MGMT: variants seen among roughly 807,000 people sequenced by gnomAD.
The protein encoded by MGMT is methylated-DNA--protein-cysteine methyltransferase.
Under a neutral mutation model 15.9 loss-of-function variants are expected in MGMT, and 14 were observed. That is an observed-to-expected ratio of 0.88 (90% CI 0.58 to 1.37). The LOEUF is 1.37. Among genes scored for constraint, MGMT ranks in the 40% most tolerant of loss-of-function variants. MGMT has a pLI of 0.00. For synonymous variants in MGMT, 130 were observed against 118.2 expected, an observed-to-expected ratio of 1.10 and a Z score of -0.65; for missense variants, 282 against 268.1, an observed-to-expected ratio of 1.05 and a Z score of -0.36.
At chr10:129,525,235 T>C (rs1845856494) in intron 1 of MGMT, among the ~76,000 whole-genome samples, 1 of 152,214 alleles carries the variant, frequency 6.6e-6, no homozygotes, top group Non-Finnish European at 1.5e-5. Flanking sequence ...CTTCCTGCAT[T>C]ACTCATATTT....
chr10:129,542,949 A>G (rs974799668), intron 2 of MGMT, among the ~76,000 whole-genome samples: 12 of 152,296 alleles, frequency 7.9e-5, no homozygotes, highest in African/African-American at 2.9e-4. Context: ...CAAATTGTGC[A>G]TATACTTCAC....
chr10:129,626,196 G>A (rs1219485860), intron 2 of MGMT, among the ~76,000 whole-genome samples: 2 of 152,194 alleles, frequency 1.3e-5, no homozygotes, highest in East Asian at 1.9e-4. Context: ...ATCAGCCTGC[G>A]TGTAAGCATG....
In MGMT at chr10:129,707,947, A is replaced by T. The variant is rs376750435; in HGVS notation, c.178A>T (p.Met60Leu). 1.2e-6 allele frequency: 2 copies of T among 1,613,134 alleles called. No homozygotes were observed. The highest frequency in any genetic ancestry group is 2.2e-5 in the South Asian group (2 of 91,054). Residue 60 changes from methionine (M) to leucine (L), a missense_variant, in exon 3 of 5, where the codon ATG (methionine) becomes TTG (leucine). By Grantham distance (15) the Met-to-Leu change is conservative. Coordinates refer to ENST00000651593, the MANE Select transcript of MGMT (RefSeq NM_002412.5). ...GGTTCTCGGAGGTCCGGAGCCCCTGATGCAGTGCACAGCCTGGCTGAATGC... is the reference window on the plus strand; with the variant it reads ...GGTTCTCGGAGGTCCGGAGCCCCTGTTGCAGTGCACAGCCTGGCTGAATGC... ...AAVLGGPEPL[M>L]QCTAWLNAYF...
chr10:129,716,831 T>A lies in MGMT; in HGVS notation c.274+8788T>A, dbSNP rs533452261. On this transcript the variant is annotated intron_variant, in intron 3 of 4. Coordinates refer to ENST00000651593, the MANE Select transcript of MGMT (RefSeq NM_002412.5). ...TGGTATCATTAGTTTGTGAATCGCATCCTTGAAAATAACTGTGAAGGAGCC... is the reference window on the plus strand; with the variant it reads ...TGGTATCATTAGTTTGTGAATCGCAACCTTGAAAATAACTGTGAAGGAGCC... 2.3e-3 allele frequency among the ~76,000 whole-genome samples: 345 copies of A among 152,312 alleles called. 1 individual carries two copies. Among genetic ancestry groups the A allele is most frequent in the Non-Finnish European group, 3.4e-3 (234 of 68,034 alleles).
intron 3 of MGMT, 59 bp downstream of exon 3, chr10:129,708,102 C>G: frequency 1.9e-6 from 3 of 1,547,688 alleles, no homozygotes; most frequent in Non-Finnish European, 2.6e-6. Context: ...TTAACGATCG[C>G]TGACATCACA....
chr10:129,758,774 T>C (rs1848836124), intron 3 of MGMT, among the ~76,000 whole-genome samples: 1 of 152,150 alleles, frequency 6.6e-6, no homozygotes, highest in Admixed American at 6.5e-5. Flanking sequence ...CTGTGGCTGC[T>C]TTTGCCTTCT....
intron 3 of MGMT, among the ~76,000 whole-genome samples, chr10:129,748,658 A>G (rs1467499392): frequency 6.6e-6 from 1 of 152,190 alleles, no homozygotes; most frequent in Non-Finnish European, 1.5e-5. Flanking sequence ...AGCTTTCTGT[A>G]TACTAACCCA....
intron 1 of MGMT, among the ~76,000 whole-genome samples, chr10:129,496,384 AG>A (rs1845521638): frequency 6.6e-6 from 1 of 152,202 alleles, no homozygotes; most frequent in Non-Finnish European, 1.5e-5. Flanking sequence ...ATGAATGGCT[AG>A]CAAGCAGAGA....
In MGMT at chr10:129,659,359, G is replaced by GAAAA. The variant is rs758707637; in HGVS notation, c.126-48525_126-48522dup. On this transcript the variant is annotated intron_variant, in intron 2 of 4. Transcript: ENST00000651593. This position sits in a 1 kb window ranked among gnomAD's most constrained non-coding sequence, Gnocchi z 4.1. ...GTGGCAGAGCGAGACTCCCTGTGTGGAAAAAAAAAAAAAAGATACTCAGAT... is the reference window on the plus strand; with the variant it reads ...GTGGCAGAGCGAGACTCCCTGTGTGGAAAAAAAAAAAAAAAAAAGATACTCAGAT... 3.8e-4 allele frequency among the ~76,000 whole-genome samples: 54 copies of GAAAA among 141,410 alleles called. No homozygotes were observed. Among genetic ancestry groups the GAAAA allele is most frequent in the African/African-American group, 1.3e-3 (50 of 38,494 alleles). The allele number at this position is 141,410 out of a possible 152,430, so 92.8% of individuals were successfully genotyped here.
At chr10:129,591,306 A>G (rs933192991) in intron 2 of MGMT, among the ~76,000 whole-genome samples, 35 of 152,352 alleles carry the variant, frequency 2.3e-4, no homozygotes, top group African/African-American at 7.5e-4. Context: ...ATAGCCTGAC[A>G]GCAGAGCGAG....
chr10:129,478,408 G>A (rs2119629421), intron 1 of MGMT, among the ~76,000 whole-genome samples: 1 of 152,232 alleles, frequency 6.6e-6, no homozygotes, highest in East Asian at 1.9e-4. Context: ...TTGATTTAGG[G>A]GCCTTGCAAG....
rs1847474873 is a variant in MGMT, at chr10:129,652,657, G to C, written c.126-55238G>C. On this transcript the variant is annotated intron_variant, in intron 2 of 4. Transcript: ENST00000651593. ...GGCTGCTGCTGTTGGTGTGCCTACT[G>C]TGTGGGGGCTTCTGTGGGAGAGGAC... 3.9e-5 allele frequency among the ~76,000 whole-genome samples: 6 copies of C among 152,310 alleles called. 1 individual carries two copies. In the South Asian group the frequency reaches 8.3e-4, roughly 21 times the overall value.
At chr10:129,554,227 C>T (rs1263893026) in intron 2 of MGMT, among the ~76,000 whole-genome samples, 1 of 152,216 alleles carries the variant, frequency 6.6e-6, no homozygotes, top group Non-Finnish European at 1.5e-5. Context: ...GGGTCATACG[C>T]CATCTGGGGA....
intron 2 of MGMT, among the ~76,000 whole-genome samples, chr10:129,539,631 C>T (rs777560322): frequency 7.9e-5 from 12 of 152,066 alleles, no homozygotes; most frequent in East Asian, 1.9e-4. Context: ...CTCAGCCTCC[C>T]GAGTAGCTGA....
At chr10:129,568,652 C>T (rs1234617727) in intron 2 of MGMT, among the ~76,000 whole-genome samples, 1 of 152,146 alleles carries the variant, frequency 6.6e-6, no homozygotes, top group African/African-American at 2.4e-5. Flanking sequence ...TTTAAAGTCT[C>T]CAGTTTCTGA....
Position 129,490,978 on chromosome 10 carries a change from T to C in MGMT, c.-13+23682T>C, listed in dbSNP as rs180882677. 9.3e-4 allele frequency among the ~76,000 whole-genome samples: 141 copies of C among 152,290 alleles called. 1 individual carries two copies. The highest frequency in any genetic ancestry group is 4.9e-4 in the Non-Finnish European group (33 of 68,036). ...ACAAAATGTTAGTCATTTCCCTTTC[T>C]CCCAGCTTGGATGCTGTTGTATTTT... On this transcript the variant is annotated intron_variant, in intron 1 of 4. Transcript: ENST00000651593.
chr10:129,552,258 C>G (rs1400716096), intron 2 of MGMT, among the ~76,000 whole-genome samples: 1 of 152,178 alleles, frequency 6.6e-6, no homozygotes, highest in East Asian at 1.9e-4. Flanking sequence ...ACCACTGGGC[C>G]GTGACTGTGG....
chr10:129,594,053 G>A (rs75150919), intron 2 of MGMT, among the ~76,000 whole-genome samples: 2,377 of 152,312 alleles, frequency 0.016, 64 homozygotes, highest in African/African-American at 0.054. Context: ...CAGTTGGCAA[G>A]TCCCTGTTTA....
chr10:129,686,478 G>T (rs1251235230), intron 2 of MGMT, among the ~76,000 whole-genome samples: 1 of 152,096 alleles, frequency 6.6e-6, no homozygotes, highest in Non-Finnish European at 1.5e-5. Flanking sequence ...GGGTTCAAGG[G>T]ATTCCCCTAC....
Sources: allele counts gnomAD v4.1 joint callset (sites outside exome capture counted in the v4.1 genomes callset), GRCh38; gene constraint gnomAD v4.1.1; non-coding constraint Gnocchi (gnomAD v3.1); transcripts MANE v1.5; gene names NCBI Gene and HGNC (gene_info 2026-07-23, HGNC 2026-07-21).